CD163: variants seen among roughly 807,000 people sequenced by gnomAD.
The protein encoded by CD163 is CD163 molecule, also known as scavenger receptor cysteine-rich type 1 protein M130.
In CD163, 64 loss-of-function variants were observed where a neutral mutation model predicts 129.2. The ratio of observed to expected loss-of-function variants is 0.50; its 90% CI spans 0.41 to 0.61. CD163 has a LOEUF of 0.61. CD163 is among the 20% of genes least tolerant of loss of function. The pLI, the probability that CD163 is intolerant of heterozygous loss-of-function variation, is 0.00. For missense variants in CD163, 1,061 were observed against 1,377.9 expected, an observed-to-expected ratio of 0.77 and a Z score of 3.64; for synonymous variants, 446 against 478.5, an observed-to-expected ratio of 0.93 and a Z score of 0.89.
rs767981373 is a variant in CD163 at position 7,503,545 on chromosome 12, C to A, written c.46+100G>T. On this transcript the variant is annotated intron_variant, in intron 1 of 16. Coordinates refer to ENST00000432237, the MANE Select transcript of CD163 (RefSeq NM_203416.4). ...GCCTATGTCCTTTTTCCACTCCTTA[C>A]TCTCCTGATGCCAATCACTTTTAAA... 2.6e-5 allele frequency: 19 copies of A among 740,188 alleles called. No individual in the cohort carries two copies. In the South Asian group the frequency reaches 3.6e-4, roughly 14 times the overall value. The allele number at this position is 740,188 out of a possible 1,614,324, so 45.9% of individuals were successfully genotyped here.
At chr12:7,484,769 T>C (rs756171256) in intron 11 of CD163, among the ~76,000 whole-genome samples, 2 of 152,060 alleles carry the variant, frequency 1.3e-5, no homozygotes, top group African/African-American at 2.4e-5. Flanking sequence ...GAAGGTAAGG[T>C]AGACCATTCA....
chr12:7,500,970 TA>T (rs950897099), intron 3 of CD163, among the ~76,000 whole-genome samples, 168 bp downstream of exon 3: 4 of 151,310 alleles, frequency 2.6e-5, no homozygotes, highest in East Asian at 1.9e-4. Context: ...TTTTTTTTAT[TA>T]AAAAAAAATG....
intron 6 of CD163, among the ~76,000 whole-genome samples, 159 bp from the exon 7 acceptor site, chr12:7,488,246 T>C (rs556681367): frequency 2.6e-5 from 4 of 152,174 alleles, no homozygotes; most frequent in Non-Finnish European, 5.9e-5. Flanking sequence ...GAGTTGGGTA[T>C]GGATAAATCT....
intron 6 of CD163, among the ~76,000 whole-genome samples, chr12:7,488,421 G>T (rs149035259): frequency 6.6e-6 from 1 of 152,066 alleles, no homozygotes; most frequent in Non-Finnish European, 1.5e-5. Flanking sequence ...ATCTACTATC[G>T]CTATCTCTTA....
chr12:7,496,679 G>C lies in CD163; in HGVS notation c.1099+134C>G, dbSNP rs1949405835. 1 of 705,886 alleles carries C rather than the reference G, an allele frequency of 1.4e-6. No individual in the cohort carries two copies. Among genetic ancestry groups the C allele is most frequent in the African/African-American group, 1.8e-5 (1 of 55,818 alleles). 43.7% of individuals were successfully genotyped at this position (705,886 alleles called of 1,614,324 possible). On this transcript the variant is annotated intron_variant, in intron 5 of 16. Coordinates refer to ENST00000432237, the MANE Select transcript of CD163 (RefSeq NM_203416.4). This position sits in a 1 kb window ranked among gnomAD's most constrained non-coding sequence, Gnocchi z 4.8. ...TGTGTCAAAGATTACAGGTATAAAGGAATTCCCAGCAAGGAATTTACTAGG... is the reference window on the plus strand; with the variant it reads ...TGTGTCAAAGATTACAGGTATAAAGCAATTCCCAGCAAGGAATTTACTAGG...
chr12:7,498,193 T>C (rs1283667153), intron 4 of CD163, among the ~76,000 whole-genome samples: 1 of 151,576 alleles, frequency 6.6e-6, no homozygotes, highest in East Asian at 1.9e-4. Flanking sequence ...AAGATAGGGA[T>C]TTTTTACTCT....
chr12:7,480,950 C>T, intron 15 of CD163: 1 of 1,252,614 alleles, frequency 8.0e-7, no homozygotes, highest in African/African-American at 1.5e-5. Context: ...CAGGAATAAT[C>T]ACAGGCCTCT....
At position 7,482,986 on chromosome 12, in the gene CD163, G is replaced by T. The variant is rs762610320; in HGVS notation, c.3107C>A (p.Thr1036Asn). The change falls in exon 13 of 17, where the codon ACC becomes AAC. Residue 1036 changes from threonine to asparagine, a missense_variant. By Grantham distance (65) the Thr-to-Asn change is moderately conservative. Transcript: ENST00000432237. ...TATACCTGTTGTGGCTTTTTGTGGG[G>T]TTTTCTGCACTGAAATATCTGTAGG... Reference protein sequence around the residue: ...VNCTDISVQKTPQKATTGRSS... With the variant: ...VNCTDISVQKNPQKATTGRSS... 3.1e-6 allele frequency: 5 copies of T among 1,613,796 alleles called. No homozygotes were observed. The highest frequency in any genetic ancestry group is 4.2e-6 in the Non-Finnish European group (5 of 1,179,870).
At chr12:7,501,836 T>C (rs896983104) in intron 2 of CD163, among the ~76,000 whole-genome samples, 2 of 152,216 alleles carry the variant, frequency 1.3e-5, no homozygotes, top group Non-Finnish European at 2.9e-5. Flanking sequence ...CTAAGGTCGA[T>C]AGAAAGAAGG....
intron 16 of CD163, 69 bp from the exon 17 acceptor site, chr12:7,471,466 A>G (rs1330442171): frequency 6.6e-6 from 1 of 152,200 alleles, no homozygotes; most frequent in Non-Finnish European, 1.5e-5. Flanking sequence ...ACATTATAAC[A>G]CAAAGAGAAA....
chr12:7,493,883 G>C (rs1949361065), intron 6 of CD163, among the ~76,000 whole-genome samples: 2 of 151,846 alleles, frequency 1.3e-5, no homozygotes, highest in South Asian at 4.1e-4. Context: ...AACCTTGTCA[G>C]GTAAAAAATT....
chr12:7,497,860 C>T (rs1374224378), intron 4 of CD163, among the ~76,000 whole-genome samples: 1 of 152,116 alleles, frequency 6.6e-6, no homozygotes, highest in African/African-American at 2.4e-5. Context: ...GTTTTTTCTA[C>T]TCCAAATTCT....
chr12:7,487,919 C>T lies in CD163; in HGVS notation c.1589G>A (p.Gly530Glu). 6.2e-7 allele frequency: 1 copy of T among 1,613,972 alleles called. No individual in the cohort carries two copies. The highest frequency in any genetic ancestry group is 1.1e-5 in the South Asian group (1 of 91,064). ...TCCATTTCCCTCTCCAAAGTGAGCT[C>T]CCCCCAGGATAGAGACAACTGTGCC... ...QCGTVVSILG[G>E]AHFGEGNGQI... The change falls in exon 7 of 17, where the codon GGA (glycine) becomes GAA (glutamate). Residue 530 changes from glycine to glutamate, a missense_variant. Gly to Glu is a moderately conservative substitution (Grantham distance 98, BLOSUM62 -2). Coordinates refer to ENST00000432237, the MANE Select transcript of CD163 (RefSeq NM_203416.4). The surrounding 1 kb of genome is among the most constrained non-coding windows in gnomAD (Gnocchi z 5.1).
intron 6 of CD163, among the ~76,000 whole-genome samples, chr12:7,490,756 ACCT>A (rs1465662424): frequency 6.6e-6 from 1 of 152,052 alleles, no homozygotes; most frequent in Non-Finnish European, 1.5e-5. Flanking sequence ...AATATAGAAT[ACCT>A]CAACATGTCA....
chr12:7,481,506 G>T (rs1338950570), intron 14 of CD163, among the ~76,000 whole-genome samples: 1 of 152,170 alleles, frequency 6.6e-6, no homozygotes, highest in Non-Finnish European at 1.5e-5. Flanking sequence ...GAAGCCAGCA[G>T]TCTTCCATAA....
chr12:7,495,201 T>C lies in CD163; in HGVS notation c.1300A>G (p.Asn434Asp). The change falls in exon 6 of 17, where the codon AAC (asparagine) becomes GAC (aspartate). Residue 434 changes from asparagine (N) to aspartate (D), a missense_variant. Transcript: ENST00000432237. ...CAGCTACTTAGAAACAGCCATGTGTTTGTTGCCTGGATTTTGGAGTACACT... is the reference window on the plus strand; with the variant it reads ...CAGCTACTTAGAAACAGCCATGTGTCTGTTGCCTGGATTTTGGAGTACACT... ...YQVYSKIQATNTWLFLSSCNG... is the reference protein window; with the variant it reads ...YQVYSKIQATDTWLFLSSCNG... 6.2e-7 allele frequency: 1 copy of C among 1,614,164 alleles called. No individual in the cohort carries two copies. Among genetic ancestry groups the C allele is most frequent in the African/African-American group, 1.3e-5 (1 of 75,054 alleles).
chr12:7,488,049 A>G lies in CD163; in HGVS notation c.1459T>C (p.Cys487Arg). The part of the protein sequence containing the change: ...EPRLVGGDIP[C>R]SGRVEVKHGD... ...TGCTTCACTTCAACACGTCCAGAAC[A>G]GGGAATGTCCCCTCCAACCAGTCTG... The change falls in exon 7 of 17, where the codon TGT (cysteine) becomes CGT (arginine). Residue 487 changes from cysteine (C) to arginine (R), a missense_variant. Cys to Arg is a radical substitution (Grantham distance 180). Transcript: ENST00000432237. 1 of 1,613,916 alleles carries G rather than the reference A, an allele frequency of 6.2e-7. No homozygotes were observed. The highest frequency in any genetic ancestry group is 8.5e-7 in the Non-Finnish European group (1 of 1,179,900).
chr12:7,500,994 G>A (rs1217058620), intron 3 of CD163, 145 bp downstream of exon 3: 3 of 673,360 alleles, frequency 4.5e-6, no homozygotes, highest in Admixed American at 5.1e-5. Context: ...CTCGTGTTTT[G>A]TGGTTTTCTA....
chr12:7,497,898 C>T (rs1225600485), intron 4 of CD163, among the ~76,000 whole-genome samples: 1 of 152,138 alleles, frequency 6.6e-6, no homozygotes, highest in Non-Finnish European at 1.5e-5. Flanking sequence ...CAAAATCTAT[C>T]TTTCTTGTAG....
Sources: allele counts gnomAD v4.1 joint callset (sites outside exome capture counted in the v4.1 genomes callset), GRCh38; gene constraint gnomAD v4.1.1; non-coding constraint Gnocchi (gnomAD v3.1); transcripts MANE v1.5; gene names NCBI Gene and HGNC (gene_info 2026-07-23, HGNC 2026-07-21).